Variants in MAEL observed in about 807,000 individuals in gnomAD.
MAEL encodes protein maelstrom homolog.
MAEL carries 46 observed loss-of-function variants against 62.0 expected under a neutral mutation model. The ratio of observed to expected loss-of-function variants is 0.74; its 90% CI spans 0.59 to 0.95. MAEL has a LOEUF of 0.95. Among genes scored for constraint, MAEL ranks in the 40% least tolerant of loss-of-function variants. The pLI is 0.00. For synonymous variants in MAEL, 172 were observed against 175.5 expected (o/e 0.98, Z 0.16); for missense variants, 497 against 526.8 (o/e 0.94, Z 0.55).
intron 5 of MAEL, among the ~76,000 whole-genome samples, chr1:166,995,529 C>T (rs930911291): frequency 2.0e-5 from 3 of 152,062 alleles, no homozygotes; most frequent in Non-Finnish European, 4.4e-5. Context: ...CGTGAGCCAC[C>T]GTGCTTGGCA....
chr1:166,978,700 G>C (rs750664050), intron 1 of MAEL, among the ~76,000 whole-genome samples: 3 of 152,182 alleles, frequency 2.0e-5, no homozygotes, highest in African/African-American at 2.4e-5. Flanking sequence ...TTGTTCTCCT[G>C]AGAAGCTGTT....
At chr1:167,009,580 A>G (rs1383167857) in intron 8 of MAEL, among the ~76,000 whole-genome samples, 1 of 135,938 alleles carries the variant, frequency 7.4e-6, no homozygotes, top group African/African-American at 3.1e-5. Context: ...ATCAGGTTCT[A>G]TTTCTGGAGA....
At chr1:166,987,434 T>C (rs923142168), upstream of MAEL, among the ~76,000 whole-genome samples, 2 of 152,212 alleles carry the variant, frequency 1.3e-5, no homozygotes, top group Admixed American at 1.3e-4. Flanking sequence ...TGATGAACAT[T>C]TGGGTTGTCC....
At chr1:166,978,157 A>G (rs1044474286) in intron 1 of MAEL, among the ~76,000 whole-genome samples, 3 of 152,188 alleles carry the variant, frequency 2.0e-5, no homozygotes, top group Non-Finnish European at 4.4e-5. Context: ...ACAATGAATC[A>G]TAGAATGCAG....
At chr1:167,008,779 T>A (rs1365621185) in intron 8 of MAEL, among the ~76,000 whole-genome samples, 1 of 152,108 alleles carries the variant, frequency 6.6e-6, no homozygotes, top group Non-Finnish European at 1.5e-5. Flanking sequence ...TTAAATAAAT[T>A]ATGTCATTTT....
intron 5 of MAEL, 102 bp from the exon 6 acceptor site, chr1:167,004,078 T>C (rs1488512827): frequency 2.0e-6 from 2 of 976,890 alleles, no homozygotes; most frequent in Non-Finnish European, 3.1e-6. Context: ...AGTACTTAAC[T>C]GTGTGTTACC....
intron 5 of MAEL, among the ~76,000 whole-genome samples, chr1:166,997,964 C>T (rs1390375211): frequency 1.3e-5 from 2 of 152,070 alleles, no homozygotes; most frequent in Non-Finnish European, 2.9e-5. Flanking sequence ...TCAATTTGTA[C>T]CCCAATATGT....
chr1:167,003,880 G>A (rs2102095545), intron 5 of MAEL, among the ~76,000 whole-genome samples: 1 of 152,166 alleles, frequency 6.6e-6, no homozygotes, highest in East Asian at 1.9e-4. Flanking sequence ...CGCAGGCCTG[G>A]TTACTGAACA....
intron 1 of MAEL, 122 bp downstream of exon 1, chr1:166,989,606 C>A: frequency 1.4e-6 from 2 of 1,473,306 alleles, no homozygotes; most frequent in South Asian, 1.3e-5. Flanking sequence ...AAGAGGAAGG[C>A]CCCCGTTTGT....
intron 8 of MAEL, among the ~76,000 whole-genome samples, chr1:167,015,568 T>C (rs1350867813): frequency 6.6e-6 from 1 of 152,176 alleles, no homozygotes; most frequent in African/African-American, 2.4e-5. Flanking sequence ...GCTCTTGTCA[T>C]GAAAGTGTGC....
chr1:166,983,775 G>A (rs1663832071), intron 1 of MAEL, among the ~76,000 whole-genome samples: 1 of 152,068 alleles, frequency 6.6e-6, no homozygotes, highest in African/African-American at 2.4e-5. Flanking sequence ...GCTGAGACAG[G>A]CAGATCACTT....
chr1:166,995,960 T>C (rs1664408266), intron 5 of MAEL, among the ~76,000 whole-genome samples: 1 of 152,242 alleles, frequency 6.6e-6, no homozygotes, highest in Non-Finnish European at 1.5e-5. Flanking sequence ...TTAAAGATTC[T>C]AGAAATGTTT....
At chr1:167,016,327 T>A (rs1428803145) in intron 9 of MAEL, 43 bp downstream of exon 9, 1 of 1,573,622 alleles carries the variant, frequency 6.4e-7, no homozygotes, top group East Asian at 2.2e-5. Context: ...TGTATTCTGA[T>A]TAAATTATTC....
chr1:167,005,604 T>C, intron 8 of MAEL: 1 of 420,992 alleles, frequency 2.4e-6, no homozygotes, highest in South Asian at 5.2e-5. Context: ...AAACTGTTCT[T>C]TCTTATCACT....
upstream of MAEL, among the ~76,000 whole-genome samples, chr1:166,986,372 G>A (rs1359270429): frequency 6.6e-6 from 1 of 152,198 alleles, no homozygotes; most frequent in Non-Finnish European, 1.5e-5. Context: ...AAAAAGCAAT[G>A]TGAAATTAAA....
chr1:166,997,494 T>C (rs1343733296), intron 5 of MAEL, among the ~76,000 whole-genome samples: 2 of 152,218 alleles, frequency 1.3e-5, no homozygotes, highest in Admixed American at 1.3e-4. Context: ...TATTTTTTAC[T>C]CTCTTTATGG....
At chr1:166,977,251 T>C (rs1557965758) in intron 1 of MAEL, among the ~76,000 whole-genome samples, 1 of 152,212 alleles carries the variant, frequency 6.6e-6, no homozygotes, top group Non-Finnish European at 1.5e-5. Flanking sequence ...TTGCTTATTT[T>C]GGCCAGGATG....
At chr1:166,989,260 C>A, upstream of MAEL, 1 of 1,475,468 alleles carries the variant, frequency 6.8e-7, no homozygotes, top group Non-Finnish European at 9.1e-7. Context: ...GGGCTGCGTG[C>A]GCAGGCGCCT....
chr1:167,003,360 A>G (rs183899666), intron 5 of MAEL, among the ~76,000 whole-genome samples: 4 of 152,316 alleles, frequency 2.6e-5, no homozygotes, highest in Non-Finnish European at 1.5e-5. Flanking sequence ...ACCTGTGGGT[A>G]TCTTTCTGTC....
Sources: gnomAD v4.1 joint callset for allele counts (sites outside exome capture counted in the v4.1 genomes callset) on GRCh38, gnomAD v4.1.1 for gene constraint, MANE v1.5 for transcripts, NCBI Gene and HGNC (gene_info 2026-07-23, HGNC 2026-07-21) for gene names.